Variants in DGKB observed in about 807,000 individuals in gnomAD.
DGKB encodes the protein diacylglycerol kinase beta.
DGKB carries 67 observed loss-of-function variants against 114.3 expected under a neutral mutation model. The observed-to-expected ratio is 0.59, with a 90% CI of 0.48 to 0.72. The LOEUF (loss-of-function observed/expected upper bound fraction) is 0.72, where lower values mean the gene tolerates loss of function less well. Among genes scored for constraint, DGKB ranks in the 30% least tolerant of loss-of-function variants. The probability of loss-of-function intolerance (pLI) is 0.00; values close to 1 mark genes in which losing one functional copy is unlikely to be tolerated. For missense variants in DGKB, 907 were observed against 975.2 expected (o/e 0.93, Z 0.93); for synonymous variants, 398 against 323.1 (o/e 1.23, Z -2.49).
chr7:14,827,532 T>C (rs1375946041), intron 2 of DGKB, among the ~76,000 whole-genome samples: 3 of 152,146 alleles, frequency 2.0e-5, no homozygotes, highest in Non-Finnish European at 4.4e-5. Context: ...TTGAAAATGC[T>C]GTTTCTACTC....
At chr7:14,244,316 G>T (rs781400481) in intron 23 of DGKB, among the ~76,000 whole-genome samples, 2 of 151,996 alleles carry the variant, frequency 1.3e-5, no homozygotes, top group South Asian at 4.1e-4. Flanking sequence ...GAATGCTTGC[G>T]TTCTTCCCAA....
At chr7:14,549,709 C>G (rs1476678186) in intron 20 of DGKB, among the ~76,000 whole-genome samples, 1 of 152,176 alleles carries the variant, frequency 6.6e-6, no homozygotes, top group Non-Finnish European at 1.5e-5. Context: ...CTCTAGCTGG[C>G]TGGACATGGT....
At chr7:14,198,708 T>G (rs1051327001) in intron 23 of DGKB, among the ~76,000 whole-genome samples, 19 of 152,006 alleles carry the variant, frequency 1.2e-4, no homozygotes, top group African/African-American at 4.6e-4. Flanking sequence ...TATCAAAATA[T>G]TTCACAATCA....
At chr7:14,788,245 A>T (rs1199196687) in intron 2 of DGKB, among the ~76,000 whole-genome samples, 4 of 152,216 alleles carry the variant, frequency 2.6e-5, no homozygotes, top group Admixed American at 6.5e-5. Flanking sequence ...AAAGAGCCCC[A>T]TCCCTGAAGC....
intron 25 of DGKB, among the ~76,000 whole-genome samples, chr7:14,151,418 C>T (rs188485716): frequency 2.9e-4 from 43 of 147,934 alleles, no homozygotes; most frequent in South Asian, 6.4e-4. Context: ...TTTTTTTTGG[C>T]GGGGGCATAT....
At chr7:14,861,785 G>A (rs1271264016) in intron 1 of DGKB, among the ~76,000 whole-genome samples, 1 of 151,910 alleles carries the variant, frequency 6.6e-6, no homozygotes. Flanking sequence ...CTACATTGAG[G>A]CATAGAACTG....
At chr7:14,219,955 T>C (rs1789652928) in intron 23 of DGKB, among the ~76,000 whole-genome samples, 1 of 151,658 alleles carries the variant, frequency 6.6e-6, no homozygotes. Context: ...TATACAGTCA[T>C]GTGTCACTTA....
At position 14,851,474 on chromosome 7, in the gene DGKB, G is replaced by T. The variant is rs146515169; in HGVS notation, c.-187-10024C>A. On this transcript the variant is annotated intron_variant, in intron 1 of 25. Coordinates refer to ENST00000402815, the MANE Select transcript of DGKB (RefSeq NM_001350709.2). The stretch of plus-strand genomic sequence containing the variant: ...AATAAAGATAGATTCTATCCATAGG[G>T]ATAGAATCTTCTCAATATGAAATAA... Among the ~76,000 whole-genome samples, 1,263 of 152,154 alleles carry T rather than the reference G, an allele frequency of 8.3e-3. 12 individuals are homozygous for T. The highest frequency in any genetic ancestry group is 0.031 in the Middle Eastern group (9 of 294).
At chr7:14,911,455 C>T (rs1466951833) in intron 1 of DGKB, among the ~76,000 whole-genome samples, 4 of 151,932 alleles carry the variant, frequency 2.6e-5, no homozygotes, top group African/African-American at 7.3e-5. Flanking sequence ...AACTTATAAG[C>T]TCTATAAGTA....
chr7:14,758,928 G>GATAGATAGATAGATAGATAC (rs376591211), intron 2 of DGKB, among the ~76,000 whole-genome samples: 2,119 of 146,932 alleles, frequency 0.014, 57 homozygotes, highest in African/African-American at 0.05. Flanking sequence ...TAGATAGATA[G>GATAGATAGATAGATAGATAC]ATAGATACAT....
At chr7:14,356,154 T>G (rs1479588419) in intron 21 of DGKB, among the ~76,000 whole-genome samples, 1 of 152,110 alleles carries the variant, frequency 6.6e-6, no homozygotes, top group African/African-American at 2.4e-5. Context: ...TGCATCTATT[T>G]GATTCTTTCC....
chr7:14,507,729 C>T (rs374980333), intron 20 of DGKB, among the ~76,000 whole-genome samples: 5 of 152,096 alleles, frequency 3.3e-5, no homozygotes, highest in Admixed American at 2.0e-4. Flanking sequence ...TACTATCTAT[C>T]GAAATTCCAC....
intron 20 of DGKB, among the ~76,000 whole-genome samples, chr7:14,550,430 T>G (rs1215775761): frequency 6.6e-6 from 1 of 152,184 alleles, no homozygotes; most frequent in East Asian, 1.9e-4. Flanking sequence ...ATTGGTAATT[T>G]ACTCAACTAA....
At chr7:14,894,416 T>A (rs942627283) in intron 1 of DGKB, among the ~76,000 whole-genome samples, 1 of 151,412 alleles carries the variant, frequency 6.6e-6, no homozygotes, top group Non-Finnish European at 1.5e-5. Context: ...AGGCGCTAAT[T>A]TCTTTAATGT....
intron 23 of DGKB, among the ~76,000 whole-genome samples, chr7:14,267,078 T>C (rs963119246): frequency 1.3e-5 from 2 of 152,242 alleles, no homozygotes; most frequent in Non-Finnish European, 2.9e-5. Context: ...GTGTGTATTC[T>C]ATGGTGTGAC....
chr7:14,330,492 ACTTAC>A (rs1223461130), intron 23 of DGKB, among the ~76,000 whole-genome samples: 1 of 152,016 alleles, frequency 6.6e-6, no homozygotes, highest in East Asian at 1.9e-4. Context: ...TTAAATGATT[ACTTAC>A]CTGTTATATT....
chr7:14,412,383 A>C (rs943185086), intron 21 of DGKB, among the ~76,000 whole-genome samples: 1 of 152,206 alleles, frequency 6.6e-6, no homozygotes, highest in Non-Finnish European at 1.5e-5. Context: ...TGTAACAGGC[A>C]CATTGACTTT....
intron 20 of DGKB, among the ~76,000 whole-genome samples, chr7:14,497,134 A>G (rs551029915): frequency 1.3e-5 from 2 of 151,892 alleles, no homozygotes; most frequent in African/African-American, 2.4e-5. Flanking sequence ...GAGGTAAGCT[A>G]TGGGTACACA....
intron 21 of DGKB, among the ~76,000 whole-genome samples, chr7:14,442,881 T>C (rs532835190): frequency 6.6e-6 from 1 of 152,222 alleles, no homozygotes; most frequent in Non-Finnish European, 1.5e-5. Context: ...ATAATGTACA[T>C]ATGATTTTGA....
Sources: allele counts gnomAD v4.1 joint callset (sites outside exome capture counted in the v4.1 genomes callset), GRCh38; gene constraint gnomAD v4.1.1; transcripts MANE v1.5; gene names NCBI Gene and HGNC (gene_info 2026-07-23, HGNC 2026-07-21).